The following NAA11 variants were observed in gnomAD, a reference collection of about 807,000 sequenced individuals.
The protein encoded by NAA11 is N-alpha-acetyltransferase 11, NatA catalytic subunit, also known as N-alpha-acetyltransferase 11.
In NAA11, 15 loss-of-function variants were observed where a neutral mutation model predicts 16.1. That is an observed-to-expected ratio of 0.93 (90% CI 0.62 to 1.44). The LOEUF (loss-of-function observed/expected upper bound fraction) is 1.44. NAA11 is among the 40% of genes most tolerant of loss of function. The probability of loss-of-function intolerance (pLI) is 0.00; values close to 1 mark genes in which losing one functional copy is unlikely to be tolerated. For synonymous variants in NAA11, 122 were observed against 112.4 expected, an observed-to-expected ratio of 1.09 and a Z score of -0.54; for missense variants, 298 against 291.3, an observed-to-expected ratio of 1.02 and a Z score of -0.17.
the NAA11 span, among the ~76,000 whole-genome samples, chr4:79,188,193 A>G: frequency 2.4e-4 from 36 of 152,290 alleles, no homozygotes; most frequent in Admixed American, 6.5e-4. Context: ...TGAATACTAC[A>G]AAGTTGTCAC....
At chr4:79,187,660 T>G in the NAA11 span, among the ~76,000 whole-genome samples, 64 of 152,266 alleles carry the variant, frequency 4.2e-4, no homozygotes, top group African/African-American at 1.5e-3. Context: ...CTTCAGTTAT[T>G]TAATGTGCAG....
the NAA11 span, among the ~76,000 whole-genome samples, chr4:79,205,125 T>C: frequency 6.6e-6 from 1 of 151,988 alleles, no homozygotes; most frequent in Non-Finnish European, 1.5e-5. Context: ...CTGCAATAAA[T>C]AGATATGTGA....
intron 2 of NAA11, among the ~76,000 whole-genome samples, chr4:79,274,417 G>T (rs150029609): frequency 2.0e-4 from 30 of 152,108 alleles, no homozygotes; most frequent in South Asian, 4.1e-4. Flanking sequence ...CAAGCACTAG[G>T]GCTTTGGAAA....
At chr4:79,278,981 G>A (rs774951020) in intron 2 of NAA11, among the ~76,000 whole-genome samples, 36 of 152,040 alleles carry the variant, frequency 2.4e-4, no homozygotes, top group Middle Eastern at 3.2e-3. Flanking sequence ...AAGATAGGGT[G>A]AACCTGCTAT....
the NAA11 span, among the ~76,000 whole-genome samples, chr4:79,158,599 T>TA: frequency 1.1e-4 from 16 of 148,768 alleles, no homozygotes; most frequent in African/African-American, 2.2e-4. Context: ...TTCACAGAAC[T>TA]AAAAAAAAGT....
the NAA11 span, among the ~76,000 whole-genome samples, chr4:79,190,470 A>ATTTTT: frequency 2.4e-4 from 22 of 91,694 alleles, no homozygotes; most frequent in Admixed American, 9.2e-4. Flanking sequence ...TTTTTTTTTA[A>ATTTTT]AAAAAGCACA....
At chr4:79,204,926 TATACACACAC>T in the NAA11 span, among the ~76,000 whole-genome samples, 6 of 39,666 alleles carry the variant, frequency 1.5e-4, no homozygotes, top group African/African-American at 4.2e-4. Context: ...CCATGGTGTG[TATACACACAC>T]ACACACACAC....
chr4:79,196,201 G>T, the NAA11 span, among the ~76,000 whole-genome samples: 13 of 151,686 alleles, frequency 8.6e-5, no homozygotes, highest in Non-Finnish European at 1.5e-4. Flanking sequence ...TTCATTTCCT[G>T]TGCCCTCTAC....
intron 1 of NAA11, among the ~76,000 whole-genome samples, chr4:79,302,165 G>A (rs1723408877): frequency 6.6e-6 from 1 of 152,122 alleles, no homozygotes; most frequent in Admixed American, 6.5e-5. Flanking sequence ...TTTTAATGTA[G>A]ATTGATACCA....
chr4:79,259,613 A>T (rs1453550171), intron 2 of NAA11, among the ~76,000 whole-genome samples: 1 of 152,166 alleles, frequency 6.6e-6, no homozygotes, highest in Non-Finnish European at 1.5e-5. Context: ...GCCCAAACAA[A>T]ACTTGGGCAA....
At chr4:79,280,678 ACT>A (rs1722765642) in intron 2 of NAA11, among the ~76,000 whole-genome samples, 1 of 150,946 alleles carries the variant, frequency 6.6e-6, no homozygotes, top group Non-Finnish European at 1.5e-5. Flanking sequence ...GCTTCAGGAA[ACT>A]CTGTGGAGTT....
intron 2 of NAA11, among the ~76,000 whole-genome samples, chr4:79,289,294 A>T (rs1166552850): frequency 1.3e-5 from 2 of 152,244 alleles, no homozygotes; most frequent in African/African-American, 4.8e-5. Flanking sequence ...GTCATAAGTA[A>T]TGGATTTTTC....
intron 2 of NAA11, among the ~76,000 whole-genome samples, chr4:79,262,025 T>C (rs1033554058): frequency 2.6e-5 from 4 of 152,180 alleles, no homozygotes; most frequent in Non-Finnish European, 4.4e-5. Context: ...ACTGGATATC[T>C]GAGGAGAACC....
At chr4:79,158,893 A>G in the NAA11 span, among the ~76,000 whole-genome samples, 3 of 152,118 alleles carry the variant, frequency 2.0e-5, no homozygotes, top group Non-Finnish European at 4.4e-5. Flanking sequence ...AATGGTGCTC[A>G]GATGATTGGC....
intron 2 of NAA11, among the ~76,000 whole-genome samples, chr4:79,289,399 C>T (rs1177177924): frequency 3.9e-5 from 6 of 152,210 alleles, no homozygotes; most frequent in African/African-American, 7.2e-5. Context: ...TTAGCAAATT[C>T]ATTTAACATC....
At chr4:79,319,359 T>C (rs1357734535) in intron 1 of NAA11, among the ~76,000 whole-genome samples, 1 of 152,190 alleles carries the variant, frequency 6.6e-6, no homozygotes, top group African/African-American at 2.4e-5. Context: ...CAGAATACTA[T>C]GGCTTTACTT....
chr4:79,275,762 G>A (rs1722633541), intron 2 of NAA11, among the ~76,000 whole-genome samples: 1 of 152,092 alleles, frequency 6.6e-6, no homozygotes. Context: ...AAAACTAATG[G>A]AAAGGAAAAG....
At chr4:79,291,511 GGTTAGGT>G (rs1723084814) in intron 2 of NAA11, among the ~76,000 whole-genome samples, 3 of 152,138 alleles carry the variant, frequency 2.0e-5, no homozygotes, top group Admixed American at 2.0e-4. Context: ...GCTCACCTGA[GGTTAGGT>G]GTTCGAGACC....
At chr4:79,313,086 T>C (rs1307016516), downstream of NAA11, among the ~76,000 whole-genome samples, 1 of 152,218 alleles carries the variant, frequency 6.6e-6, no homozygotes, top group East Asian at 1.9e-4. Flanking sequence ...ATTGCTGACA[T>C]AGTTATTGTT....
Sources: gnomAD v4.1 joint callset for allele counts (sites outside exome capture counted in the v4.1 genomes callset) on GRCh38, gnomAD v4.1.1 for gene constraint, MANE v1.5 for transcripts, NCBI Gene and HGNC (gene_info 2026-07-23, HGNC 2026-07-21) for gene names.